The following DSCAM variants were observed in gnomAD, a reference collection of about 807,000 sequenced individuals.
DSCAM encodes DS cell adhesion molecule.
DSCAM carries 47 observed loss-of-function variants against 217.7 expected under a neutral mutation model. That is an observed-to-expected ratio of 0.22 (90% confidence interval 0.17 to 0.28). The LOEUF (loss-of-function observed/expected upper bound fraction) is 0.28. Among genes scored for constraint, DSCAM ranks in the 10% least tolerant of loss-of-function variants. The pLI is 1.00. For missense variants in DSCAM, 2,080 were observed against 2,618.3 expected (o/e 0.79, Z 4.49); for synonymous variants, 1,056 against 1,015.3 (o/e 1.04, Z -0.76).
rs2090654563 is a variant in DSCAM, at chr21:40,701,350, C to T, written c.361+7104G>A. ...TCTCACTTTTCTGGTGAAAAACACA[C>T]CAATTTTAACAATTTTTTTAAAAGA... On this transcript the variant is annotated intron_variant, in intron 2 of 32. Coordinates refer to ENST00000400454, the MANE Select transcript of DSCAM (RefSeq NM_001389.5). Among the ~76,000 whole-genome samples, 6 of 152,248 alleles carry T rather than the reference C, an allele frequency of 3.9e-5. No individual in the cohort carries two copies. The South Asian group carries it at 1.2e-3, about 32-fold the overall frequency.
At chr21:40,242,401 T>C (rs2073165724) in intron 11 of DSCAM, among the ~76,000 whole-genome samples, 1 of 152,080 alleles carries the variant, frequency 6.6e-6, no homozygotes, top group East Asian at 1.9e-4. Context: ...GAGCTGTGAG[T>C]AGAAGTGCCA....
chr21:40,844,789 T>C (rs962595517), intron 1 of DSCAM, among the ~76,000 whole-genome samples: 1 of 151,638 alleles, frequency 6.6e-6, no homozygotes, highest in African/African-American at 2.4e-5. Flanking sequence ...AATTCTTCCA[T>C]ACCATTTTGT....
chr21:40,599,741 A>G (rs545272106), intron 3 of DSCAM, among the ~76,000 whole-genome samples: 8 of 152,290 alleles, frequency 5.3e-5, no homozygotes, highest in Non-Finnish European at 1.0e-4. Context: ...AAAAGAGAGA[A>G]GAATAGACAC....
At chr21:40,554,674 T>G (rs2076657180) in intron 3 of DSCAM, among the ~76,000 whole-genome samples, 1 of 152,226 alleles carries the variant, frequency 6.6e-6, no homozygotes, top group South Asian at 2.1e-4. Context: ...CTAAATTATT[T>G]TTTAAAATTA....
At chr21:40,538,473 C>T (rs1321043979) in intron 3 of DSCAM, among the ~76,000 whole-genome samples, 1 of 152,082 alleles carries the variant, frequency 6.6e-6, no homozygotes, top group Non-Finnish European at 1.5e-5. Context: ...GGAAATATTT[C>T]ATCTTTTGAA....
intron 3 of DSCAM, among the ~76,000 whole-genome samples, chr21:40,689,866 G>A (rs1214543300): frequency 6.6e-6 from 1 of 152,136 alleles, no homozygotes; most frequent in Non-Finnish European, 1.5e-5. Context: ...TGAAGGTCAG[G>A]GCTAATTTAG....
intron 3 of DSCAM, among the ~76,000 whole-genome samples, chr21:40,607,238 G>T (rs1233172289): frequency 1.4e-5 from 2 of 143,328 alleles, no homozygotes; most frequent in African/African-American, 5.2e-5. Context: ...TCAGCAAAAA[G>T]AACTAATAAA....
At position 40,055,965 on chromosome 21, in the gene DSCAM, G is replaced by C. The variant is rs542676642; in HGVS notation, c.4920-125C>G. On this transcript the variant is annotated intron_variant, in intron 28 of 32. Transcript: ENST00000400454. ...CAAATACCTTGTGAGGAGGGGAACA[G>C]AAAACGTACATACTATGAAAACGTT... 6 of 620,700 alleles carry C rather than the reference G, an allele frequency of 9.7e-6. No homozygotes were observed. The South Asian group carries it at 1.5e-4, about 16-fold the overall frequency. 38.4% of individuals were successfully genotyped at this position (620,700 alleles called of 1,614,324 possible).
At chr21:40,155,517 C>T (rs111237581) in intron 16 of DSCAM, among the ~76,000 whole-genome samples, 3 of 151,682 alleles carry the variant, frequency 2.0e-5, no homozygotes, top group South Asian at 2.1e-4. Flanking sequence ...GGCAGGGGCC[C>T]GAGAAAGGCC....
At chr21:40,491,550 C>T (rs544551927) in intron 3 of DSCAM, among the ~76,000 whole-genome samples, 16 of 152,212 alleles carry the variant, frequency 1.1e-4, no homozygotes, top group Non-Finnish European at 2.2e-4. Flanking sequence ...CAAAAGTACC[C>T]TGTACCATTC....
chr21:40,534,503 G>T (rs1170847377), intron 3 of DSCAM, among the ~76,000 whole-genome samples: 1 of 152,156 alleles, frequency 6.6e-6, no homozygotes, highest in African/African-American at 2.4e-5. Context: ...TAGACTTGGG[G>T]TGATCCATGT....
chr21:40,678,529 C>T (rs754438720), intron 3 of DSCAM, among the ~76,000 whole-genome samples: 7 of 152,072 alleles, frequency 4.6e-5, no homozygotes, highest in South Asian at 2.1e-4. Context: ...CATATGGGCG[C>T]GTGTGGGTGA....
At chr21:40,374,682 G>A (rs140965466) in intron 3 of DSCAM, among the ~76,000 whole-genome samples, 233 of 152,318 alleles carry the variant, frequency 1.5e-3, no homozygotes, top group Admixed American at 3.5e-3. Flanking sequence ...TCCCCAATAT[G>A]ACAGTATTTG....
At chr21:40,763,347 C>T (rs1340044554) in intron 1 of DSCAM, among the ~76,000 whole-genome samples, 1 of 152,060 alleles carries the variant, frequency 6.6e-6, no homozygotes, top group Non-Finnish European at 1.5e-5. Context: ...TTCACAATTG[C>T]TACAAAGAGA....
At chr21:40,538,376 G>A (rs8130144) in intron 3 of DSCAM, among the ~76,000 whole-genome samples, 6,143 of 152,174 alleles carry the variant, frequency 0.04, 258 homozygotes, top group East Asian at 0.19. Flanking sequence ...CGGAGCTGTT[G>A]GCTTCAACCA....
chr21:40,415,527 G>A (rs997136342), intron 3 of DSCAM, among the ~76,000 whole-genome samples: 5 of 152,380 alleles, frequency 3.3e-5, no homozygotes, highest in African/African-American at 9.6e-5. Flanking sequence ...TTTTCAAGGA[G>A]CACAGTTGCT....
Position 40,179,509 on chromosome 21 carries a change from G to A in DSCAM, c.2780-415C>T, listed in dbSNP as rs567976675. On this transcript the variant is annotated intron_variant, in intron 14 of 32. Transcript: ENST00000400454. ...AGTACAATGAACTATGGTTTGGATAGTACCCCTGGGCCCCCCCAAAATCCC... is the reference window on the plus strand; with the variant it reads ...AGTACAATGAACTATGGTTTGGATAATACCCCTGGGCCCCCCCAAAATCCC... Among the ~76,000 whole-genome samples, 8 of 152,238 alleles carry A rather than the reference G, an allele frequency of 5.3e-5. No homozygotes were observed. The South Asian group carries it at 1.7e-3, about 32-fold the overall frequency.
chr21:40,651,513 C>T (rs1487367318), intron 3 of DSCAM, among the ~76,000 whole-genome samples: 5 of 152,148 alleles, frequency 3.3e-5, no homozygotes, highest in Non-Finnish European at 4.4e-5. Context: ...TATCCCATCT[C>T]GATTATCTCA....
intron 20 of DSCAM, among the ~76,000 whole-genome samples, chr21:40,117,200 T>C (rs1283849278): frequency 6.6e-6 from 1 of 152,136 alleles, no homozygotes; most frequent in Non-Finnish European, 1.5e-5. Context: ...TTAACCTCTT[T>C]TAGATGACTC....
Sources: gnomAD v4.1 joint callset for allele counts (sites outside exome capture counted in the v4.1 genomes callset) on GRCh38, gnomAD v4.1.1 for gene constraint, MANE v1.5 for transcripts, NCBI Gene and HGNC (gene_info 2026-07-23, HGNC 2026-07-21) for gene names.